LRTM3: variants seen among roughly 807,000 people sequenced by gnomAD.
LRTM3 encodes leucine-rich repeat transmembrane protein 3.
chr13:102,729,716 G>A, the LRTM3 span: 2 of 1,551,904 alleles, frequency 1.3e-6, no homozygotes, highest in South Asian at 2.4e-5. Context: ...TTTTGATGCT[G>A]ATTTATGTTT....
chr13:102,735,575 T>A, the LRTM3 span: 1 of 1,551,196 alleles, frequency 6.4e-7, no homozygotes, highest in South Asian at 1.2e-5. Context: ...ATTGAGTATA[T>A]CTGAGAGTAG....
At chr13:102,736,321 C>T in the LRTM3 span, 3 of 1,551,022 alleles carry the variant, frequency 1.9e-6, no homozygotes, top group Non-Finnish European at 2.6e-6. Context: ...GAGGACTGTG[C>T]TCAGTGATGC....
chr13:102,736,987 T>C, the LRTM3 span: 2 of 1,551,040 alleles, frequency 1.3e-6, no homozygotes, highest in Middle Eastern at 1.7e-4. Context: ...ATAGAGAAGG[T>C]ATTGTCAGAA....
the LRTM3 span, chr13:102,748,792 A>G: frequency 6.4e-7 from 1 of 1,550,586 alleles, no homozygotes; most frequent in South Asian, 1.2e-5. Context: ...TTAGTTGAAC[A>G]GTGTTGACCA....
chr13:102,741,304 C>A, the LRTM3 span: 6 of 1,549,944 alleles, frequency 3.9e-6, no homozygotes, highest in Admixed American at 3.9e-5. Flanking sequence ...TATTCACTGC[C>A]TGTTTTAAGT....
chr13:102,748,795 G>A, the LRTM3 span: 16 of 1,550,418 alleles, frequency 1.0e-5, no homozygotes, highest in South Asian at 4.8e-5. Context: ...GTTGAACAGT[G>A]TTGACCATGA....
the LRTM3 span, chr13:102,732,479 G>A: frequency 6.4e-7 from 1 of 1,550,802 alleles, no homozygotes. Flanking sequence ...TTTACGTTTG[G>A]GAGAAAGAGG....
At chr13:102,752,110 A>G in the LRTM3 span, among the ~76,000 whole-genome samples, 1 of 152,140 alleles carries the variant, frequency 6.6e-6, no homozygotes, top group Non-Finnish European at 1.5e-5. Flanking sequence ...TACCAACCAC[A>G]GAGTGGTTCT....
the LRTM3 span, chr13:102,733,615 T>C: frequency 6.4e-7 from 1 of 1,551,358 alleles, no homozygotes. Flanking sequence ...GAAACGCAGT[T>C]AAAGTTTCTG....
the LRTM3 span, chr13:102,735,161 T>G: frequency 6.4e-7 from 1 of 1,551,312 alleles, no homozygotes; most frequent in Non-Finnish European, 8.7e-7. Flanking sequence ...AGTTTTCCAC[T>G]GAAGATCACT....
chr13:102,729,808 A>G, the LRTM3 span: 1 of 1,551,902 alleles, frequency 6.4e-7, no homozygotes, highest in African/African-American at 1.4e-5. Context: ...TGTGTGTACA[A>G]CTGTAATCGT....
chr13:102,730,725 C>T, the LRTM3 span: 1 of 1,551,842 alleles, frequency 6.4e-7, no homozygotes, highest in Non-Finnish European at 8.7e-7. Context: ...TGTCCACCAG[C>T]ATTTACGTTT....
chr13:102,734,416 C>CA, the LRTM3 span: 1 of 1,551,356 alleles, frequency 6.4e-7, no homozygotes, highest in Non-Finnish European at 8.7e-7. Flanking sequence ...AGAGTATGCA[C>CA]ATTTTTCTTT....
At chr13:102,735,207 C>T in the LRTM3 span, 1 of 1,551,294 alleles carries the variant, frequency 6.4e-7, no homozygotes. Flanking sequence ...GATTTCTTTG[C>T]CTTCAAATAC....
the LRTM3 span, among the ~76,000 whole-genome samples, chr13:102,752,367 T>C: frequency 6.6e-6 from 1 of 152,184 alleles, no homozygotes; most frequent in Non-Finnish European, 1.5e-5. Flanking sequence ...TTTCCTGTCT[T>C]ATTCTTCCTG....
the LRTM3 span, chr13:102,733,156 C>T: frequency 7.1e-6 from 11 of 1,551,374 alleles, no homozygotes; most frequent in Non-Finnish European, 8.7e-6. Flanking sequence ...TAGTGTTCGT[C>T]CTGGTCTTGT....
At chr13:102,747,420 C>A in the LRTM3 span, 9 of 1,548,264 alleles carry the variant, frequency 5.8e-6, no homozygotes, top group Non-Finnish European at 7.9e-6. Flanking sequence ...GGCTTCTTTA[C>A]TTTCATAATT....
At chr13:102,731,639 G>T in the LRTM3 span, 3 of 1,551,406 alleles carry the variant, frequency 1.9e-6, no homozygotes, top group Non-Finnish European at 2.6e-6. Flanking sequence ...TTTAACCTGG[G>T]ACTCAGAGAT....
At chr13:102,743,159 C>G in the LRTM3 span, 1 of 1,550,630 alleles carries the variant, frequency 6.4e-7, no homozygotes, top group Non-Finnish European at 8.7e-7. Context: ...CTTCTCTTCC[C>G]CACTTTCTCT....
Sources: allele counts gnomAD v4.1 joint callset (sites outside exome capture counted in the v4.1 genomes callset), GRCh38; gene constraint gnomAD v4.1.1; transcripts MANE v1.5; gene names NCBI Gene and HGNC (gene_info 2026-07-23, HGNC 2026-07-21).